The following NRXN1 variants were observed in gnomAD, a reference collection of about 807,000 sequenced individuals.
NRXN1 encodes neurexin 1, also known as neurexin-1.
In NRXN1, 39 loss-of-function variants were observed where a neutral mutation model predicts 150.9. The ratio of observed to expected loss-of-function variants is 0.26; its 90% CI spans 0.20 to 0.34. The LOEUF is 0.34. Ranked by LOEUF, NRXN1 falls within the 10% of genes least tolerant of loss-of-function variation. The probability of loss-of-function intolerance (pLI) is 1.00; values close to 1 mark genes in which losing one functional copy is unlikely to be tolerated. For synonymous variants in NRXN1, 924 were observed against 757.0 expected (o/e 1.22, Z -3.62); for missense variants, 1,815 against 1,949.9 (o/e 0.93, Z 1.30).
chr2:50,356,793 G>C (rs138734831), intron 17 of NRXN1, among the ~76,000 whole-genome samples: 265 of 152,056 alleles, frequency 1.7e-3, no homozygotes, highest in African/African-American at 6.2e-3. Flanking sequence ...AACACGACAG[G>C]TATTAAAACA....
chr2:50,896,166 T>C lies in NRXN1; in HGVS notation c.832+25703A>G, dbSNP rs532980080. On this transcript the variant is annotated intron_variant, in intron 5 of 22. Coordinates refer to ENST00000401669, the MANE Select transcript of NRXN1 (RefSeq NM_001330078.2). ...GTCCTGTTAGAGAATTGCATATCAA[T>C]GTTTCTATTCTTTCATCTGGTCTCT... 5.1e-4 allele frequency among the ~76,000 whole-genome samples: 78 copies of C among 152,292 alleles called. 2 individuals are homozygous for C. In the South Asian group the frequency reaches 0.015, roughly 30 times the overall value.
intron 2 of NRXN1, among the ~76,000 whole-genome samples, chr2:50,957,259 T>C (rs949166133): frequency 1.8e-4 from 27 of 152,168 alleles, no homozygotes; most frequent in Non-Finnish European, 3.2e-4. Flanking sequence ...CTGACACTTA[T>C]TAGCTATGTG....
chr2:49,986,669 A>G (rs1680967849), intron 21 of NRXN1, among the ~76,000 whole-genome samples: 1 of 152,238 alleles, frequency 6.6e-6, no homozygotes, highest in South Asian at 2.1e-4. Flanking sequence ...TGCATACAAC[A>G]TGTAATAATC....
chr2:50,569,875 C>A (rs1430951348), intron 8 of NRXN1, among the ~76,000 whole-genome samples: 1 of 152,088 alleles, frequency 6.6e-6, no homozygotes, highest in Non-Finnish European at 1.5e-5. Context: ...TAGCTCTCCA[C>A]ATTAAGTAGC....
chr2:50,456,932 T>G (rs574077909), intron 17 of NRXN1, among the ~76,000 whole-genome samples: 31 of 152,298 alleles, frequency 2.0e-4, no homozygotes, highest in African/African-American at 7.5e-4. Flanking sequence ...GCACATTCAT[T>G]GGTCAACACA....
chr2:50,139,716 T>C (rs1240762122), intron 18 of NRXN1, among the ~76,000 whole-genome samples: 2 of 152,172 alleles, frequency 1.3e-5, no homozygotes, highest in East Asian at 3.8e-4. Flanking sequence ...ACAGATGTAA[T>C]TGGAAATGTT....
At chr2:50,966,994 A>C (rs927077484) in intron 2 of NRXN1, among the ~76,000 whole-genome samples, 1 of 151,916 alleles carries the variant, frequency 6.6e-6, no homozygotes, top group Non-Finnish European at 1.5e-5. Context: ...CTTAGCTCTA[A>C]ATAAGATCAA....
Position 50,252,550 on chromosome 2 carries a change from C to T in NRXN1, c.3365-15580G>A, listed in dbSNP as rs546496358. On this transcript the variant is annotated intron_variant, in intron 17 of 22. Coordinates refer to ENST00000401669, the MANE Select transcript of NRXN1 (RefSeq NM_001330078.2). The stretch of plus-strand genomic sequence containing the variant: ...CTGAGATTACAGGTGTGAGCCACTG[C>T]GTCCAGCACATTTATATCTTTAATC... Among the ~76,000 whole-genome samples the T allele has an allele frequency of 1.1e-4, 17 of 152,048 alleles. 1 individual carries two copies. The East Asian group carries it at 2.3e-3, about 21-fold the overall frequency.
chr2:50,534,871 A>T (rs1355407634), intron 10 of NRXN1, among the ~76,000 whole-genome samples: 1 of 152,182 alleles, frequency 6.6e-6, no homozygotes, highest in African/African-American at 2.4e-5. Flanking sequence ...AGAAATACAG[A>T]TGACTGACAA....
At chr2:50,483,329 T>C (rs1157149062) in intron 15 of NRXN1, among the ~76,000 whole-genome samples, 1 of 152,120 alleles carries the variant, frequency 6.6e-6, no homozygotes, top group African/African-American at 2.4e-5. Context: ...TTGTTTAGCA[T>C]ATAATAAAGA....
At chr2:50,995,435 T>C (rs542805846) in intron 2 of NRXN1, among the ~76,000 whole-genome samples, 2 of 151,612 alleles carry the variant, frequency 1.3e-5, no homozygotes, top group Non-Finnish European at 2.9e-5. Context: ...TACAAATATA[T>C]CTACACAACA....
intron 5 of NRXN1, among the ~76,000 whole-genome samples, chr2:50,773,207 C>T (rs1703216088): frequency 6.6e-6 from 1 of 152,048 alleles, no homozygotes. Flanking sequence ...CTCCCCAATC[C>T]ACACTCCTGC....
intron 17 of NRXN1, among the ~76,000 whole-genome samples, chr2:50,243,600 C>G (rs1290319802): frequency 6.6e-6 from 1 of 151,762 alleles, no homozygotes. Flanking sequence ...CCACCAAACA[C>G]CAATCATAAA....
At chr2:50,157,631 A>T (rs1306309051) in intron 18 of NRXN1, among the ~76,000 whole-genome samples, 1 of 151,910 alleles carries the variant, frequency 6.6e-6, no homozygotes, top group African/African-American at 2.4e-5. Flanking sequence ...GGCCATAGGG[A>T]AGGTGAAGCA....
intron 7 of NRXN1, 112 bp from the exon 8 acceptor site, chr2:50,620,295 G>A: frequency 8.1e-7 from 1 of 1,233,072 alleles, no homozygotes; most frequent in Non-Finnish European, 1.1e-6. Context: ...GTTTTGTTTT[G>A]CTTTTTTCTT....
intron 8 of NRXN1, among the ~76,000 whole-genome samples, chr2:50,602,256 A>T (rs1676396865): frequency 6.6e-6 from 1 of 152,168 alleles, no homozygotes; most frequent in East Asian, 1.9e-4. Context: ...TCAGGACCAA[A>T]ACAAAACAAA....
intron 5 of NRXN1, among the ~76,000 whole-genome samples, chr2:50,724,864 CT>C (rs1435452631): frequency 3.3e-5 from 5 of 151,852 alleles, no homozygotes; most frequent in African/African-American, 1.2e-4. Context: ...AAGCTTTCTT[CT>C]TTTGCTCTTC....
chr2:50,491,665 G>A (rs1212828672), intron 15 of NRXN1, among the ~76,000 whole-genome samples: 2 of 152,158 alleles, frequency 1.3e-5, no homozygotes, highest in Non-Finnish European at 2.9e-5. Flanking sequence ...AGTACTGCCT[G>A]GGCTGACCTA....
intron 18 of NRXN1, among the ~76,000 whole-genome samples, chr2:50,130,046 T>A (rs1398619668): frequency 6.6e-6 from 1 of 152,148 alleles, no homozygotes; most frequent in Non-Finnish European, 1.5e-5. Flanking sequence ...AACTAATATA[T>A]AAGCAGGTTA....
Sources: allele counts gnomAD v4.1 joint callset (sites outside exome capture counted in the v4.1 genomes callset), GRCh38; gene constraint gnomAD v4.1.1; transcripts MANE v1.5; gene names NCBI Gene and HGNC (gene_info 2026-07-23, HGNC 2026-07-21).